The following FHIT variants were observed in gnomAD, a reference collection of about 807,000 sequenced individuals.
FHIT encodes the protein fragile histidine triad diadenosine triphosphatase.
In FHIT, 19 loss-of-function variants were observed where a neutral mutation model predicts 17.9. The observed-to-expected ratio is 1.06, with a 90% CI of 0.74 to 1.56. FHIT has a LOEUF of 1.56. Ranked by LOEUF, FHIT falls within the 40% of genes most tolerant of loss-of-function variation. The pLI is 0.00. For missense variants in FHIT, 248 were observed against 189.2 expected (o/e 1.31, Z -1.82); for synonymous variants, 81 against 69.7 (o/e 1.16, Z -0.81).
intron 3 of FHIT, among the ~76,000 whole-genome samples, chr3:60,860,559 TATATC>T (rs1703700994): frequency 2.4e-5 from 2 of 84,926 alleles, no homozygotes; most frequent in Admixed American, 2.4e-4. Flanking sequence ...ATATGTATCA[TATATC>T]AGGTATATAT....
At chr3:60,033,723 G>C (rs1701096952) in intron 5 of FHIT, among the ~76,000 whole-genome samples, 1 of 152,084 alleles carries the variant, frequency 6.6e-6, no homozygotes, top group Non-Finnish European at 1.5e-5. Context: ...AGGTAAACAG[G>C]CCATCCTTTG....
chr3:60,458,073 C>T (rs1204412850), intron 5 of FHIT, among the ~76,000 whole-genome samples: 3 of 152,094 alleles, frequency 2.0e-5, no homozygotes, highest in African/African-American at 7.2e-5. Flanking sequence ...CCCAGCCATC[C>T]CATTACTGGG....
intron 2 of FHIT, among the ~76,000 whole-genome samples, chr3:61,131,903 G>C (rs980199388): frequency 1.3e-5 from 2 of 152,188 alleles, no homozygotes; most frequent in South Asian, 4.1e-4. Flanking sequence ...ACCAATCTAA[G>C]AGGGTACTAA....
At chr3:60,405,428 C>T (rs192947972) in intron 5 of FHIT, among the ~76,000 whole-genome samples, 2 of 152,296 alleles carry the variant, frequency 1.3e-5, no homozygotes, top group Admixed American at 1.3e-4. Context: ...GGGGACCACC[C>T]GCATGACCCC....
At chr3:60,948,228 T>C (rs548939956) in intron 3 of FHIT, among the ~76,000 whole-genome samples, 1 of 152,296 alleles carries the variant, frequency 6.6e-6, no homozygotes, top group South Asian at 2.1e-4. Context: ...ACCTTGCTTC[T>C]GAACTCTAAG....
chr3:60,636,145 A>T (rs1426127827), intron 4 of FHIT, among the ~76,000 whole-genome samples: 2 of 151,654 alleles, frequency 1.3e-5, no homozygotes. Flanking sequence ...ATCTCGGCTC[A>T]CTGCAACCTC....
intron 5 of FHIT, among the ~76,000 whole-genome samples, chr3:60,275,980 T>G (rs213351): frequency 0.24 from 35,912 of 151,584 alleles, 5,124 homozygotes; most frequent in Non-Finnish European, 0.32. Context: ...TTTTGAGAAT[T>G]TGTTTTTGCA....
chr3:61,217,515 A>AT (rs1560087335), intron 1 of FHIT, among the ~76,000 whole-genome samples: 2 of 152,146 alleles, frequency 1.3e-5, no homozygotes, highest in African/African-American at 4.8e-5. Context: ...GAGAAGCTGT[A>AT]TTTTTTATGA....
intron 8 of FHIT, among the ~76,000 whole-genome samples, chr3:59,900,436 T>C (rs1704274806): frequency 6.6e-6 from 1 of 152,164 alleles, no homozygotes; most frequent in Non-Finnish European, 1.5e-5. Flanking sequence ...GATGCTTAAA[T>C]TGATACAGAC....
chr3:60,563,794 G>A (rs544471258), intron 4 of FHIT, among the ~76,000 whole-genome samples: 29 of 152,334 alleles, frequency 1.9e-4, no homozygotes, highest in African/African-American at 6.5e-4. Context: ...GAAGCTAGCA[G>A]AGATTGGTCA....
intron 5 of FHIT, among the ~76,000 whole-genome samples, chr3:60,406,709 C>T (rs2107209634): frequency 6.6e-6 from 1 of 152,062 alleles, no homozygotes; most frequent in Admixed American, 6.6e-5. Flanking sequence ...GGGTATACAC[C>T]TGACTTTTGT....
At chr3:61,112,192 C>A (rs538849708) in intron 2 of FHIT, among the ~76,000 whole-genome samples, 2 of 151,904 alleles carry the variant, frequency 1.3e-5, no homozygotes, top group Non-Finnish European at 2.9e-5. Context: ...TGAAGGTATG[C>A]GGAATAATTC....
chr3:60,442,203 A>G (rs1488094160), intron 5 of FHIT, among the ~76,000 whole-genome samples: 1 of 151,878 alleles, frequency 6.6e-6, no homozygotes, highest in Admixed American at 6.6e-5. Flanking sequence ...TTGAAAAGAG[A>G]TGTGATTTCA....
At chr3:61,096,992 T>G (rs1198186981) in intron 2 of FHIT, among the ~76,000 whole-genome samples, 1 of 146,744 alleles carries the variant, frequency 6.8e-6, no homozygotes, top group East Asian at 2.0e-4. Context: ...GGCAGGAGAA[T>G]CGATCAAACC....
intron 5 of FHIT, among the ~76,000 whole-genome samples, chr3:60,127,877 A>G (rs989966771): frequency 1.2e-4 from 19 of 152,156 alleles, no homozygotes; most frequent in Non-Finnish European, 1.8e-4. Context: ...GTGATCCTCC[A>G]GCTTTGGCCT....
intron 4 of FHIT, among the ~76,000 whole-genome samples, chr3:60,782,260 T>C (rs886138772): frequency 7.3e-5 from 11 of 149,734 alleles, no homozygotes; most frequent in Non-Finnish European, 1.5e-4. Flanking sequence ...TATATCACAT[T>C]TTCTTTATCC....
intron 3 of FHIT, among the ~76,000 whole-genome samples, chr3:61,036,917 TG>T (rs757077855): frequency 0.091 from 11,636 of 128,502 alleles, 774 homozygotes; most frequent in Non-Finnish European, 0.11. Context: ...TTTTTTTGTT[TG>T]TTTGTTTTTT....
chr3:59,806,120 G>A (rs1700185576), intron 8 of FHIT, among the ~76,000 whole-genome samples: 1 of 151,464 alleles, frequency 6.6e-6, no homozygotes, highest in African/African-American at 2.4e-5. Context: ...GGCGGAGCTT[G>A]CAGTGAGCCG....
At chr3:61,045,198 A>C (rs1311027383) in intron 2 of FHIT, among the ~76,000 whole-genome samples, 3 of 152,218 alleles carry the variant, frequency 2.0e-5, no homozygotes, top group Non-Finnish European at 4.4e-5. Context: ...AAATTGGGTA[A>C]AGAGTCAAGA....
Sources: allele counts gnomAD v4.1 joint callset (sites outside exome capture counted in the v4.1 genomes callset), GRCh38; gene constraint gnomAD v4.1.1; transcripts MANE v1.5; gene names NCBI Gene and HGNC (gene_info 2026-07-23, HGNC 2026-07-21).